Variants in MAD2L1 observed in about 807,000 individuals in gnomAD.
MAD2L1 encodes mitotic arrest deficient 2 like 1, also known as mitotic spindle assembly checkpoint protein MAD2A.
Under a neutral mutation model 25.9 loss-of-function variants are expected in MAD2L1, and 10 were observed. The ratio of observed to expected loss-of-function variants is 0.39; its 90% CI spans 0.24 to 0.66. The LOEUF (loss-of-function observed/expected upper bound fraction) is 0.66, where lower values mean the gene tolerates loss of function less well. Ranked by LOEUF, MAD2L1 falls within the 30% of genes least tolerant of loss-of-function variation. The pLI is 0.49. For synonymous variants in MAD2L1, 81 were observed against 91.8 expected, an observed-to-expected ratio of 0.88 and a Z score of 0.67; for missense variants, 180 against 246.4, an observed-to-expected ratio of 0.73 and a Z score of 1.80.
chr4:120,062,132 C>T, intron 2 of MAD2L1, 37 bp from the exon 3 acceptor site: 1 of 1,586,670 alleles, frequency 6.3e-7, no homozygotes, highest in Non-Finnish European at 8.6e-7. Context: ...TTTCTTGGTC[C>T]ACTGCATCAT....
rs535943585 is a variant in MAD2L1, at chr4:120,055,766, C to T, written c.*4352G>A. ...TGAGTAATTAAGGTTACTTAACAAACAATTCTTCTGATTAGTTGGAAAATT... is the reference window on the plus strand; with the variant it reads ...TGAGTAATTAAGGTTACTTAACAAATAATTCTTCTGATTAGTTGGAAAATT... On this transcript the variant is annotated 3_prime_UTR_variant, in exon 5 of 5. Coordinates refer to ENST00000296509, the MANE Select transcript of MAD2L1 (RefSeq NM_002358.4). The T allele has an allele frequency of 6.6e-6, 1 of 152,184 alleles. No homozygotes were observed. Among genetic ancestry groups the T allele is most frequent in the Non-Finnish European group, 1.5e-5 (1 of 67,986 alleles). The allele number at this position is 152,184 out of a possible 1,614,324, so 9.4% of individuals were successfully genotyped here. A position where few individuals can be genotyped will look rare whatever the true frequency, so the allele number is the denominator to read the frequency against.
chr4:120,056,813 C>T lies in MAD2L1; in HGVS notation c.*3305G>A, dbSNP rs1452451924. ...CAAAGAACCTCCCTTAACAAGTTTT[C>T]AGATCAAATTGTGAACTGTGGGGTG... On this transcript the variant is annotated 3_prime_UTR_variant, in exon 5 of 5. Coordinates refer to ENST00000296509, the MANE Select transcript of MAD2L1 (RefSeq NM_002358.4). 2 of 152,116 alleles carry T rather than the reference C, an allele frequency of 1.3e-5. No individual in the cohort carries two copies. The highest frequency in any genetic ancestry group is 2.9e-5 in the Non-Finnish European group (2 of 68,016). The allele number at this position is 152,116 out of a possible 1,614,324, so 9.4% of individuals were successfully genotyped here. A position where few individuals can be genotyped will look rare whatever the true frequency, so the allele number is the denominator to read the frequency against.
At chr4:120,065,856 C>T in intron 1 of MAD2L1, 38 bp from the exon 2 acceptor site, 1 of 1,600,302 alleles carries the variant, frequency 6.2e-7, no homozygotes, top group South Asian at 1.1e-5. Context: ...ATTCATTATC[C>T]CTGCATAACT....
At chr4:120,066,148 G>C (rs1441562820) in intron 1 of MAD2L1, among the ~76,000 whole-genome samples, 1 of 152,010 alleles carries the variant, frequency 6.6e-6, no homozygotes, top group Admixed American at 6.5e-5. Flanking sequence ...TGTTGCATTC[G>C]AGTTAGCAAC....
intron 2 of MAD2L1, among the ~76,000 whole-genome samples, chr4:120,064,337 C>T (rs1307147172): frequency 1.3e-5 from 2 of 152,172 alleles, no homozygotes; most frequent in Admixed American, 6.5e-5. Flanking sequence ...CACTTGAGAA[C>T]AGAGGTCTAT....
chr4:120,062,918 A>C (rs1726249097), intron 2 of MAD2L1, among the ~76,000 whole-genome samples: 1 of 152,218 alleles, frequency 6.6e-6, no homozygotes, highest in South Asian at 2.1e-4. Flanking sequence ...GTAGATATGG[A>C]GCAATAGGTA....
chr4:120,060,736 G>T, intron 4 of MAD2L1, 138 bp downstream of exon 4: 1 of 588,260 alleles, frequency 1.7e-6, no homozygotes. Flanking sequence ...CATTACTTTT[G>T]CATGATAATG....
Position 120,056,797 on chromosome 4 carries a change from T to C in MAD2L1, c.*3321A>G, listed in dbSNP as rs1726118201. ...TTATGGCATCACATGCCAAAGAACC[T>C]CCCTTAACAAGTTTTCAGATCAAAT... is the stretch of plus-strand genomic sequence containing the variant. On this transcript the variant is annotated 3_prime_UTR_variant, in exon 5 of 5. Coordinates refer to ENST00000296509, the MANE Select transcript of MAD2L1 (RefSeq NM_002358.4). 6.6e-6 allele frequency: 1 copy of C among 152,098 alleles called. No individual in the cohort carries two copies. Among genetic ancestry groups the C allele is most frequent in the African/African-American group, 2.4e-5 (1 of 41,418 alleles). 9.4% of individuals were successfully genotyped at this position (152,098 alleles called of 1,614,324 possible).
chr4:120,065,900 T>C (rs574268067), intron 1 of MAD2L1, 82 bp from the exon 2 acceptor site: 15 of 1,418,006 alleles, frequency 1.1e-5, no homozygotes, highest in Non-Finnish European at 1.4e-5. Context: ...TGTTGCTATA[T>C]TTTCATTAGG....
At position 120,058,630 on chromosome 4, in the gene MAD2L1, G is replaced by T. The variant is rs183182066; in HGVS notation, c.*1488C>A. The T allele has an allele frequency of 7.2e-5, 11 of 152,224 alleles. No individual in the cohort carries two copies. In the East Asian group the frequency reaches 9.7e-4, roughly 13 times the overall value. 9.4% of individuals were successfully genotyped at this position (152,224 alleles called of 1,614,324 possible). ...GGCGACAGAATAAGACTCCATCTTGGGGGGGAAAAGTGATTTCGCAGAATT... is the reference window on the plus strand; with the variant it reads ...GGCGACAGAATAAGACTCCATCTTGTGGGGGAAAAGTGATTTCGCAGAATT... On this transcript the variant is annotated 3_prime_UTR_variant, in exon 5 of 5. Transcript: ENST00000296509.
Position 120,059,974 on chromosome 4 carries a change from A to G in MAD2L1, c.*144T>C. ...AGGTACCAAAAAAATAAAAGGAACA[A>G]TTACACACAGTTCAGTAAGTATCAT... On this transcript the variant is annotated 3_prime_UTR_variant, in exon 5 of 5. Coordinates refer to ENST00000296509, the MANE Select transcript of MAD2L1 (RefSeq NM_002358.4). 3.2e-6 allele frequency: 2 copies of G among 627,468 alleles called. No homozygotes were observed. Among genetic ancestry groups the G allele is most frequent in the Non-Finnish European group, 2.6e-6 (1 of 378,258 alleles). The allele number at this position is 627,468 out of a possible 1,614,324, so 38.9% of individuals were successfully genotyped here. A position where few individuals can be genotyped will look rare whatever the true frequency, so the allele number is the denominator to read the frequency against.
chr4:120,060,943 C>A lies in MAD2L1; in HGVS notation c.376G>T (p.Asp126Tyr), dbSNP rs1162466864. 6.2e-7 allele frequency: 1 copy of A among 1,611,108 alleles called. No homozygotes were observed. Among genetic ancestry groups the A allele is most frequent in the Admixed American group, 1.7e-5 (1 of 59,922 alleles). Residue 126 changes from aspartate to tyrosine, a missense_variant, in exon 4 of 5, where the codon GAT becomes TAT. Physicochemically the swap from Asp to Tyr is radical, Grantham distance 160 (BLOSUM62 -3). Coordinates refer to ENST00000296509, the MANE Select transcript of MAD2L1 (RefSeq NM_002358.4). ...PREKSQKAIQ[D>Y]EIRSVIRQIT... ...TGTCTGATCACTGAACGGATTTCAT[C>A]CTGGATAGCTTTCTGAGACTTTTCT...
At chr4:120,060,817 G>A in intron 4 of MAD2L1, 57 bp downstream of exon 4, 1 of 1,077,576 alleles carries the variant, frequency 9.3e-7, no homozygotes, top group Non-Finnish European at 1.4e-6. Context: ...GATTACGGCA[G>A]TAGCTTAGTC....
intron 2 of MAD2L1, among the ~76,000 whole-genome samples, chr4:120,062,693 G>A (rs72914393): frequency 0.013 from 1,962 of 152,322 alleles, 45 homozygotes; most frequent in African/African-American, 0.044. Context: ...GCAAAGCCTG[G>A]TGGATCAAAT....
chr4:120,061,254 T>C (rs959568077), intron 3 of MAD2L1, among the ~76,000 whole-genome samples: 2 of 152,110 alleles, frequency 1.3e-5, no homozygotes, highest in African/African-American at 2.4e-5. Flanking sequence ...ACTAGAAAAT[T>C]TGCCAATCAC....
intron 2 of MAD2L1, chr4:120,065,430 AG>A (rs1272236899): frequency 1.0e-5 from 4 of 383,898 alleles, no homozygotes; most frequent in Non-Finnish European, 1.9e-5. Flanking sequence ...GCCACTTCTA[AG>A]GGAGTTGATG....
Position 120,066,837 on chromosome 4 carries a change from G to A in MAD2L1, c.-103C>T, listed in dbSNP as rs1726335510. The A allele has an allele frequency of 3.6e-6, 3 of 835,550 alleles. No individual in the cohort carries two copies. Among genetic ancestry groups the A allele is most frequent in the Non-Finnish European group, 5.8e-6 (3 of 514,534 alleles). 51.8% of individuals were successfully genotyped at this position (835,550 alleles called of 1,614,324 possible). ...CAAGCGTTTCAAAAGTAACGACGCA[G>A]CACGTCGTCAGGTCCTTTGCGCAGG... On this transcript the variant is annotated 5_prime_UTR_variant, in exon 1 of 5. Coordinates refer to ENST00000296509, the MANE Select transcript of MAD2L1 (RefSeq NM_002358.4).
rs1022481843 is a variant in MAD2L1, at chr4:120,058,444, A to G, written c.*1674T>C. Reference sequence around the variant, plus strand: ...CAGGAGTTCAAGACTAGCCTGGCCAACATGGTGAAACCCTCTCTCTACTAA... The same window carrying G: ...CAGGAGTTCAAGACTAGCCTGGCCAGCATGGTGAAACCCTCTCTCTACTAA... On this transcript the variant is annotated 3_prime_UTR_variant, in exon 5 of 5. Coordinates refer to ENST00000296509, the MANE Select transcript of MAD2L1 (RefSeq NM_002358.4). 2.6e-5 allele frequency: 4 copies of G among 152,118 alleles called. No homozygotes were observed. The highest frequency in any genetic ancestry group is 9.7e-5 in the African/African-American group (4 of 41,438). The allele number at this position is 152,118 out of a possible 1,614,324, so 9.4% of individuals were successfully genotyped here. A position where few individuals can be genotyped will look rare whatever the true frequency, so the allele number is the denominator to read the frequency against.
At chr4:120,061,724 T>C (rs3752830) in intron 3 of MAD2L1, among the ~76,000 whole-genome samples, 3,520 of 152,234 alleles carry the variant, frequency 0.023, 325 homozygotes, top group East Asian at 0.16. Context: ...TCACCATAAA[T>C]ACTGTTTGAA....
Sources: gnomAD v4.1 joint callset for allele counts (sites outside exome capture counted in the v4.1 genomes callset) on GRCh38, gnomAD v4.1.1 for gene constraint, MANE v1.5 for transcripts, NCBI Gene and HGNC (gene_info 2026-07-23, HGNC 2026-07-21) for gene names.